The following TMCC3 variants were observed in gnomAD, a reference collection of about 807,000 sequenced individuals.
The protein encoded by TMCC3 is transmembrane and coiled-coil domain protein 3.
Under a neutral mutation model 40.2 loss-of-function variants are expected in TMCC3, and 28 were observed. The ratio of observed to expected loss-of-function variants is 0.70; its 90% CI spans 0.52 to 0.95. The LOEUF (loss-of-function observed/expected upper bound fraction) is 0.95. Ranked by LOEUF, TMCC3 falls within the 40% of genes least tolerant of loss-of-function variation. The pLI, the probability that TMCC3 is intolerant of heterozygous loss-of-function variation, is 0.00. For missense variants in TMCC3, 554 were observed against 615.2 expected (o/e 0.90, Z 1.05); for synonymous variants, 255 against 248.5 (o/e 1.03, Z -0.25).
At chr12:94,621,883 G>A (rs959681540) in intron 1 of TMCC3, among the ~76,000 whole-genome samples, 2 of 152,120 alleles carry the variant, frequency 1.3e-5, no homozygotes, top group African/African-American at 4.8e-5. Context: ...ATGTCAGAAC[G>A]CACCACTGGT....
chr12:94,582,087 G>A lies in TMCC3; in HGVS notation c.530C>T (p.Ala177Val), dbSNP rs1400314345. 5 of 1,614,082 alleles carry A rather than the reference G, an allele frequency of 3.1e-6. No homozygotes were observed. The highest frequency in any genetic ancestry group is 4.2e-6 in the Non-Finnish European group (5 of 1,180,036). ...TTTGCTGCTCTCCATGCAATGGGGGGCAGTTCGAGATTTCACGTGGGCATC... is the reference window on the plus strand; with the variant it reads ...TTTGCTGCTCTCCATGCAATGGGGGACAGTTCGAGATTTCACGTGGGCATC... ...LKDAHVKSRTAPHCMESSKSG... is the reference protein window; with the variant it reads ...LKDAHVKSRTVPHCMESSKSG... Residue 177 changes from alanine (A) to valine (V), a missense_variant, in exon 2 of 4, where the codon GCC becomes GTC. Transcript: ENST00000261226.
At chr12:94,603,211 A>G (rs2068762995) in intron 1 of TMCC3, among the ~76,000 whole-genome samples, 1 of 152,102 alleles carries the variant, frequency 6.6e-6, no homozygotes, top group Non-Finnish European at 1.5e-5. Context: ...CAGCTTCCCG[A>G]GTACCTGGGA....
At chr12:94,620,872 A>C (rs915387509) in intron 1 of TMCC3, among the ~76,000 whole-genome samples, 3 of 152,186 alleles carry the variant, frequency 2.0e-5, no homozygotes, top group Non-Finnish European at 2.9e-5. Flanking sequence ...TAAGTGGCTC[A>C]ATGTAAACCA....
intron 1 of TMCC3, among the ~76,000 whole-genome samples, chr12:94,620,022 G>C (rs1334912033): frequency 1.3e-5 from 2 of 152,010 alleles, no homozygotes; most frequent in African/African-American, 4.8e-5. Context: ...AATTAGCTGG[G>C]CGTGGTGGCG....
rs776843349 is a variant in TMCC3, at chr12:94,581,649, G to T, written c.968C>A (p.Ser323Tyr). 6.3e-7 allele frequency: 1 copy of T among 1,590,960 alleles called. No individual in the cohort carries two copies. The highest frequency in any genetic ancestry group is 1.7e-5 in the Admixed American group (1 of 57,954). ...VQFKREYGFISQTLQEERYRY... is the reference protein window; with the variant it reads ...VQFKREYGFIYQTLQEERYRY... ...GTATCTTTCCTCTTGCAGGGTCTGA[G>T]AAATAAAACCATATTCTCTCTTAAA... The change falls in exon 2 of 4, where the codon TCT becomes TAT. Residue 323 changes from serine (S) to tyrosine (Y), a missense_variant. Coordinates refer to ENST00000261226, the MANE Select transcript of TMCC3 (RefSeq NM_020698.4).
chr12:94,615,907 T>G, intron 1 of TMCC3: 2 of 984,794 alleles, frequency 2.0e-6, no homozygotes, highest in Middle Eastern at 5.2e-4. Flanking sequence ...AACGGAAGAG[T>G]TGTGAAGAGA....
At chr12:94,577,378 C>T (rs1005575804) in intron 3 of TMCC3, among the ~76,000 whole-genome samples, 2 of 151,930 alleles carry the variant, frequency 1.3e-5, no homozygotes, top group East Asian at 1.9e-4. Flanking sequence ...TTAGTAGAGA[C>T]GGGGTTTCAC....
chr12:94,645,540 C>T (rs1012954398), intron 1 of TMCC3, among the ~76,000 whole-genome samples: 6 of 152,112 alleles, frequency 3.9e-5, no homozygotes, highest in Non-Finnish European at 7.4e-5. Flanking sequence ...CAGGTTCAAG[C>T]GATTCTCCTG....
Position 94,571,669 on chromosome 12 carries a change from C to A in TMCC3, c.1200G>T (p.Leu400=), listed in dbSNP as rs1189315511. The change falls in exon 4 of 4, where the codon CTG becomes CTT. Residue 400 remains leucine (L), a synonymous_variant. Transcript: ENST00000261226. ...LELHQQEQQA[L]QTDTVNAKVL... ...CTTTAGCATTCACGGTGTCTGTCTG[C>A]AGAGCTTGCTGCTCTTGCTGGTGGA... The A allele has an allele frequency of 1.9e-6, 3 of 1,614,100 alleles. No individual in the cohort carries two copies. In the East Asian group the frequency reaches 6.7e-5, roughly 36 times the overall value.
chr12:94,613,518 C>T (rs1171712199), intron 1 of TMCC3, among the ~76,000 whole-genome samples: 1 of 152,138 alleles, frequency 6.6e-6, no homozygotes, highest in Non-Finnish European at 1.5e-5. Context: ...AGAACACATA[C>T]TTTATGAATT....
intron 1 of TMCC3, among the ~76,000 whole-genome samples, chr12:94,604,363 C>T (rs2138853266): frequency 6.6e-6 from 1 of 152,202 alleles, no homozygotes; most frequent in East Asian, 1.9e-4. Context: ...GCAAACCAAG[C>T]CCCCTAAAAT....
intron 1 of TMCC3, among the ~76,000 whole-genome samples, chr12:94,637,751 T>C (rs970912345): frequency 1.3e-5 from 2 of 152,220 alleles, no homozygotes; most frequent in Non-Finnish European, 2.9e-5. Flanking sequence ...AATGATGGTA[T>C]AGCCATACAT....
intron 3 of TMCC3, among the ~76,000 whole-genome samples, chr12:94,578,165 A>AAAAAAAAAAAAAAAAAAAAAAAAAAAAAG (rs1467855760): frequency 3.2e-5 from 4 of 123,358 alleles, no homozygotes; most frequent in Non-Finnish European, 4.9e-5. Flanking sequence ...AAAAAAAAAA[A>AAAAAAAAAAAAAAAAAAAAAAAAAAAAAG]AAAGAAAAAG....
intron 1 of TMCC3, among the ~76,000 whole-genome samples, chr12:94,646,815 T>G (rs2069022327): frequency 6.6e-6 from 1 of 150,500 alleles, no homozygotes; most frequent in African/African-American, 2.4e-5. Flanking sequence ...GAGTATTACC[T>G]CTTTTACAGA....
rs763401574 is a variant in TMCC3 at position 94,567,197 on chromosome 12, C to G, written c.*4238G>C. On this transcript the variant is annotated 3_prime_UTR_variant, in exon 4 of 4. Coordinates refer to ENST00000261226, the MANE Select transcript of TMCC3 (RefSeq NM_020698.4). ...GTGTTTATTTAAAAAAATAATGGCA[C>G]CTGCTTTGGATTCATTGATGACACC... 2 of 152,144 alleles carry G rather than the reference C, an allele frequency of 1.3e-5. No homozygotes were observed. Among genetic ancestry groups the G allele is most frequent in the Non-Finnish European group, 2.9e-5 (2 of 68,028 alleles). 9.4% of individuals were successfully genotyped at this position (152,144 alleles called of 1,614,324 possible).
At chr12:94,627,085 C>T (rs1051571592) in intron 1 of TMCC3, among the ~76,000 whole-genome samples, 4 of 152,162 alleles carry the variant, frequency 2.6e-5, no homozygotes, top group African/African-American at 9.7e-5. Flanking sequence ...TGGTCTCGAA[C>T]TCCTGACCTC....
intron 1 of TMCC3, among the ~76,000 whole-genome samples, chr12:94,610,442 AAT>A (rs1566327472): frequency 6.6e-6 from 1 of 151,240 alleles, no homozygotes; most frequent in African/African-American, 2.4e-5. Flanking sequence ...AAAAAAAAAA[AAT>A]TTTTTTTTCA....
chr12:94,598,082 T>C (rs915892916), intron 1 of TMCC3, among the ~76,000 whole-genome samples: 6 of 152,208 alleles, frequency 3.9e-5, no homozygotes, highest in Non-Finnish European at 7.3e-5. Flanking sequence ...TAAAGACTTA[T>C]CAGCATCAAA....
intron 1 of TMCC3, among the ~76,000 whole-genome samples, chr12:94,641,665 T>C (rs1360846142): frequency 6.6e-6 from 1 of 152,082 alleles, no homozygotes; most frequent in Non-Finnish European, 1.5e-5. Context: ...ATTTTATATA[T>C]TGAAAACACT....
Sources: allele counts gnomAD v4.1 joint callset (sites outside exome capture counted in the v4.1 genomes callset), GRCh38; gene constraint gnomAD v4.1.1; transcripts MANE v1.5; gene names NCBI Gene and HGNC (gene_info 2026-07-23, HGNC 2026-07-21).